The following NRG1 variants were observed in gnomAD, a reference collection of about 807,000 sequenced individuals.
NRG1 encodes the protein pro-neuregulin-1, membrane-bound isoform.
Under a neutral mutation model 63.8 loss-of-function variants are expected in NRG1, and 18 were observed. That is an observed-to-expected ratio of 0.28 (90% CI 0.19 to 0.42). The LOEUF is 0.42. Ranked by LOEUF, NRG1 falls within the 10% of genes least tolerant of loss-of-function variation. The pLI is 1.00. For synonymous variants in NRG1, 302 were observed against 301.3 expected (o/e 1.00, Z -0.02); for missense variants, 762 against 814.7 (o/e 0.94, Z 0.79).
At chr8:32,698,505 A>G (rs943350606) in intron 5 of NRG1, among the ~76,000 whole-genome samples, 2 of 152,236 alleles carry the variant, frequency 1.3e-5, no homozygotes, top group African/African-American at 4.8e-5. Flanking sequence ...AGGTGTTTCA[A>G]TAGCAGACAT....
At chr8:32,512,993 C>A (rs1015199096) in intron 1 of NRG1, among the ~76,000 whole-genome samples, 1 of 152,002 alleles carries the variant, frequency 6.6e-6, no homozygotes, top group Non-Finnish European at 1.5e-5. Flanking sequence ...TTAAGAATAT[C>A]CAAACAAAGA....
At position 31,917,133 on chromosome 8, in the gene NRG1, A is replaced by C. The variant is rs1365109437; in HGVS notation, c.37+277702A>C. ...CTTTGTCAGATGAATAGGTTGCGAA[A>C]ATTTTCTCCCATTTTGTAGGTTGCC... On this transcript the variant is annotated intron_variant, in intron 1 of 10. Transcript: ENST00000519301. 7.9e-5 allele frequency among the ~76,000 whole-genome samples: 8 copies of C among 100,824 alleles called. No homozygotes were observed. In the Admixed American group the frequency reaches 8.9e-4, roughly 11 times the overall value. The allele number at this position is 100,824 out of a possible 152,430, so 66.1% of individuals were successfully genotyped here.
At chr8:32,418,515 C>T (rs1816252863) in intron 1 of NRG1, among the ~76,000 whole-genome samples, 3 of 151,908 alleles carry the variant, frequency 2.0e-5, no homozygotes, top group African/African-American at 4.8e-5. Flanking sequence ...GTATTTTACA[C>T]TTACAGTACA....
chr8:32,407,235 G>A (rs1037535490), intron 1 of NRG1, among the ~76,000 whole-genome samples: 1 of 140,376 alleles, frequency 7.1e-6, no homozygotes, highest in African/African-American at 2.7e-5. Context: ...TCAATGATTT[G>A]GTAGAAGACT....
chr8:31,748,494 C>A (rs1204322747), intron 1 of NRG1, among the ~76,000 whole-genome samples: 2 of 151,904 alleles, frequency 1.3e-5, no homozygotes, highest in Middle Eastern at 3.4e-3. Flanking sequence ...GATTTTAGTT[C>A]TTTGTTCTGA....
chr8:31,964,621 C>T (rs1183512211), intron 1 of NRG1, among the ~76,000 whole-genome samples: 1 of 152,140 alleles, frequency 6.6e-6, no homozygotes, highest in African/African-American at 2.4e-5. Flanking sequence ...GCCATGACAG[C>T]ACCACTGAGC....
rs141456648 is a variant in NRG1 at position 32,304,996 on chromosome 8, C to A, written c.38-290832C>A. ...TGCCACTGCACTCCAGCCTGGGCGA[C>A]AGAGAGAGACTCTGTCTCCAATAAA... On this transcript the variant is annotated intron_variant, in intron 1 of 10. Transcript: ENST00000519301. Among the ~76,000 whole-genome samples the A allele has an allele frequency of 3.3e-4, 50 of 151,990 alleles. 1 individual carries two copies. The East Asian group carries it at 8.5e-3, about 26-fold the overall frequency.
At chr8:32,600,325 GACAC>G (rs5890665) in intron 2 of NRG1, among the ~76,000 whole-genome samples, 3,839 of 149,254 alleles carry the variant, frequency 0.026, 65 homozygotes, top group Non-Finnish European at 0.038. Context: ...AGCAGTGTTG[GACAC>G]ACACACACAC....
intron 1 of NRG1, among the ~76,000 whole-genome samples, chr8:32,189,216 T>C (rs73232263): frequency 0.056 from 8,460 of 152,250 alleles, 398 homozygotes; most frequent in East Asian, 0.26. Context: ...TAGGTAGTTT[T>C]CCTGCTTTTG....
chr8:31,871,929 A>AT (rs549849980), intron 1 of NRG1, among the ~76,000 whole-genome samples: 1 of 151,704 alleles, frequency 6.6e-6, no homozygotes, highest in African/African-American at 2.4e-5. Context: ...TGTGGCTTTT[A>AT]TTTTTTTTAC....
At chr8:32,399,912 A>G (rs917747770) in intron 1 of NRG1, among the ~76,000 whole-genome samples, 14 of 152,136 alleles carry the variant, frequency 9.2e-5, no homozygotes, top group African/African-American at 3.1e-4. Context: ...TTCATTCTTC[A>G]AGTACATGTA....
chr8:31,671,120 C>A lies in NRG1; in HGVS notation c.37+31689C>A, dbSNP rs1034246630. On this transcript the variant is annotated intron_variant, in intron 1 of 10. Transcript: ENST00000519301. ...GTGGCCTCCAGCTCCATCTGTGTTG[C>A]TTCAAAGGCCATGATCTCATTTTTT... 2.0e-4 allele frequency among the ~76,000 whole-genome samples: 30 copies of A among 146,474 alleles called. 1 individual carries two copies. The highest frequency in any genetic ancestry group is 3.0e-5 in the Non-Finnish European group (2 of 65,596).
chr8:32,189,108 T>C (rs576451366), intron 1 of NRG1, among the ~76,000 whole-genome samples: 1 of 152,226 alleles, frequency 6.6e-6, no homozygotes, highest in Admixed American at 6.5e-5. Context: ...ATAACCTGTG[T>C]TTTTCTTGTA....
intron 1 of NRG1, among the ~76,000 whole-genome samples, chr8:32,124,885 T>C (rs1400352553): frequency 6.6e-6 from 1 of 151,930 alleles, no homozygotes; most frequent in African/African-American, 2.4e-5. Context: ...AGCTCTATTA[T>C]TAACCTCATT....
At chr8:31,854,618 C>T (rs1475832507) in intron 1 of NRG1, among the ~76,000 whole-genome samples, 1 of 151,892 alleles carries the variant, frequency 6.6e-6, no homozygotes, top group East Asian at 1.9e-4. Context: ...TCCTTCAGTT[C>T]TTCTCTGATC....
chr8:31,994,490 A>G (rs1811593079), intron 1 of NRG1, among the ~76,000 whole-genome samples: 1 of 151,490 alleles, frequency 6.6e-6, no homozygotes, highest in Non-Finnish European at 1.5e-5. Context: ...CTGTCTCTAC[A>G]TAAAATTTAA....
intron 1 of NRG1, among the ~76,000 whole-genome samples, chr8:31,858,848 G>C (rs77874764): frequency 6.6e-6 from 1 of 152,128 alleles, no homozygotes; most frequent in Non-Finnish European, 1.5e-5. Context: ...ATTGGGTTAC[G>C]AAGTTTTGCC....
intron 1 of NRG1, among the ~76,000 whole-genome samples, chr8:32,194,475 A>G (rs1005757898): frequency 6.6e-6 from 1 of 152,122 alleles, no homozygotes; most frequent in Non-Finnish European, 1.5e-5. Context: ...GGCAGAATGC[A>G]TTTACACATC....
chr8:31,800,180 A>G (rs1441489034), intron 1 of NRG1, among the ~76,000 whole-genome samples: 2 of 152,176 alleles, frequency 1.3e-5, no homozygotes, highest in African/African-American at 4.8e-5. Flanking sequence ...ACCCTACTAC[A>G]TGATCATAAC....
Sources: allele counts gnomAD v4.1 joint callset (sites outside exome capture counted in the v4.1 genomes callset), GRCh38; gene constraint gnomAD v4.1.1; transcripts MANE v1.5; gene names NCBI Gene and HGNC (gene_info 2026-07-23, HGNC 2026-07-21).